MYRF: variants seen among roughly 807,000 people sequenced by gnomAD.
The protein encoded by MYRF is myelin gene regulatory factor.
In MYRF, 16 loss-of-function variants were observed where a neutral mutation model predicts 126.3. The ratio of observed to expected loss-of-function variants is 0.13; its 90% CI spans 0.09 to 0.19. The LOEUF is 0.19. Among genes scored for constraint, MYRF ranks in the 10% least tolerant of loss-of-function variants. The pLI is 1.00. For missense variants in MYRF, 1,104 were observed against 1,547.0 expected (o/e 0.71, Z 4.80); for synonymous variants, 608 against 635.3 (o/e 0.96, Z 0.65).
intron 5 of MYRF, 59 bp downstream of exon 5, chr11:61,770,584 G>T: frequency 6.8e-7 from 1 of 1,480,650 alleles, no homozygotes; most frequent in Non-Finnish European, 9.1e-7. Flanking sequence ...GACCAGGGTG[G>T]GCAGGGCGGC....
chr11:61,780,104 A>G (rs2066499151), intron 17 of MYRF, 118 bp from the exon 18 acceptor site: 2 of 1,335,594 alleles, frequency 1.5e-6, no homozygotes, highest in Non-Finnish European at 2.1e-6. Flanking sequence ...GGGGTGACCC[A>G]TTTTGTAGGC....
In MYRF at chr11:61,752,677, G is replaced by A; in HGVS notation, c.-68G>A. On this transcript the variant is annotated 5_prime_UTR_variant, in exon 1 of 27. Coordinates refer to ENST00000278836, the MANE Select transcript of MYRF (RefSeq NM_001127392.3). Reference sequence around the variant, plus strand: ...CGGGACTGTCGCGCGGGCCGCGCCGGCGATGCCGCGCCCCCGGGCCGGGCT... The same window carrying A: ...CGGGACTGTCGCGCGGGCCGCGCCGACGATGCCGCGCCCCCGGGCCGGGCT... The A allele has an allele frequency of 8.4e-7, 1 of 1,196,712 alleles. No individual in the cohort carries two copies. The highest frequency in any genetic ancestry group is 1.0e-6 in the Non-Finnish European group (1 of 953,870). The allele number at this position is 1,196,712 out of a possible 1,614,324, so 74.1% of individuals were successfully genotyped here. A position where few individuals can be genotyped will look rare whatever the true frequency, so the allele number is the denominator to read the frequency against.
In MYRF at chr11:61,783,717, G is replaced by A; in HGVS notation, c.3119+117G>A. 7.4e-7 allele frequency: 1 copy of A among 1,350,294 alleles called. No individual in the cohort carries two copies. Among genetic ancestry groups the A allele is most frequent in the Non-Finnish European group, 1.0e-6 (1 of 961,060 alleles). The allele number at this position is 1,350,294 out of a possible 1,614,324, so 83.6% of individuals were successfully genotyped here. A position where few individuals can be genotyped will look rare whatever the true frequency, so the allele number is the denominator to read the frequency against. On this transcript the variant is annotated intron_variant, in intron 23 of 26. Transcript: ENST00000278836. This position sits in a 1 kb window ranked among gnomAD's most constrained non-coding sequence, Gnocchi z 4.6. The stretch of plus-strand genomic sequence containing the variant: ...GGAGCCTCCCCCATAAGGAAGGGTA[G>A]CCCCTTTCCAGGCTACCCTTGGACA...
chr11:61,780,240 A>G lies in MYRF; in HGVS notation c.2355A>G (p.Thr785=). ...VMAFSVVSMS[T]LYVLSLRTEE... ...GCTCCAGCGTGGTGTCCATGTCCAC[A>G]CTGTACGTGCTGAGCCTGCGCACAG... The change falls in exon 18 of 27, where the codon ACA becomes ACG. Residue 785 remains threonine (T), a synonymous_variant. Coordinates refer to ENST00000278836, the MANE Select transcript of MYRF (RefSeq NM_001127392.3). The G allele has an allele frequency of 6.2e-7, 1 of 1,613,976 alleles. No individual in the cohort carries two copies. Among genetic ancestry groups the G allele is most frequent in the Non-Finnish European group, 8.5e-7 (1 of 1,179,958 alleles).
intron 4 of MYRF, 95 bp downstream of exon 4, chr11:61,769,416 C>G: frequency 1.1e-6 from 1 of 926,172 alleles, no homozygotes. Flanking sequence ...AGGGGGCCAG[C>G]GGCTGCCCAA....
intron 1 of MYRF, among the ~76,000 whole-genome samples, chr11:61,764,310 C>T (rs1049196692): frequency 6.6e-6 from 1 of 152,332 alleles, no homozygotes; most frequent in Admixed American, 6.5e-5. Context: ...GAAGTGAGGA[C>T]GGCTGTTCCG....
Position 61,776,196 on chromosome 11 carries a change from A to G in MYRF, c.1388+64A>G. The G allele has an allele frequency of 1.3e-6, 2 of 1,599,078 alleles. No individual in the cohort carries two copies. Among genetic ancestry groups the G allele is most frequent in the Non-Finnish European group, 8.6e-7 (1 of 1,166,808 alleles). On this transcript the variant is annotated intron_variant, in intron 9 of 26. Coordinates refer to ENST00000278836, the MANE Select transcript of MYRF (RefSeq NM_001127392.3). The surrounding 1 kb of genome is among the most constrained non-coding windows in gnomAD (Gnocchi z 4.3). ...GTCCACAACTAAAGCTGGCTTGGGA[A>G]TGGAGGGGCCAGGGAGGTACCCAGG...
At chr11:61,780,327 G>A (rs1190454898) in intron 18 of MYRF, 37 bp downstream of exon 18, 1 of 1,587,884 alleles carries the variant, frequency 6.3e-7, no homozygotes, top group South Asian at 1.1e-5. Context: ...TGCCAGGCCA[G>A]GTGGGGCTTT....
At chr11:61,753,397 G>A (rs2065660192) in intron 1 of MYRF, among the ~76,000 whole-genome samples, 1 of 151,952 alleles carries the variant, frequency 6.6e-6, no homozygotes, top group African/African-American at 2.4e-5. Context: ...CTTGGAGACT[G>A]CCACCTGCTT....
At position 61,779,536 on chromosome 11, in the gene MYRF, CCCA is replaced by C. The variant is rs748581171; in HGVS notation, c.2215_2217del (p.His739del). 1.2e-4 allele frequency: 184 copies of C among 1,508,866 alleles called. No individual in the cohort carries two copies. Among genetic ancestry groups the C allele is most frequent in the Non-Finnish European group, 1.6e-4 (179 of 1,128,360 alleles). 93.5% of individuals were successfully genotyped at this position (1,508,866 alleles called of 1,614,324 possible). A position where few individuals can be genotyped will look rare whatever the true frequency, so the allele number is the denominator to read the frequency against. Reference sequence around the variant, plus strand: ...CAGTTCAGTCGGGCGGGCAGCGTCCCCCACAAGAAGAGGCCCCCCAAGGTGGCC... The same window carrying C: ...CAGTTCAGTCGGGCGGGCAGCGTCCCCAAGAAGAGGCCCCCCAAGGTGGCC... On this transcript the variant is annotated inframe_deletion, in exon 16 of 27. Coordinates refer to ENST00000278836, the MANE Select transcript of MYRF (RefSeq NM_001127392.3).
chr11:61,763,982 G>A (rs961102025), intron 1 of MYRF, among the ~76,000 whole-genome samples: 1 of 152,254 alleles, frequency 6.6e-6, no homozygotes, highest in Non-Finnish European at 1.5e-5. Context: ...GCAGGGTGGG[G>A]CTTGAGCAGA....
chr11:61,752,865 C>A (rs1273923252), intron 1 of MYRF, 75 bp downstream of exon 1: 3 of 1,342,726 alleles, frequency 2.2e-6, no homozygotes, highest in Non-Finnish European at 3.0e-6. Context: ...GGAACTGGGG[C>A]TCCTCGCTGT....
At chr11:61,765,543 C>A in intron 1 of MYRF, 82 bp from the exon 2 acceptor site, 1 of 1,150,880 alleles carries the variant, frequency 8.7e-7, no homozygotes, top group Non-Finnish European at 1.2e-6. Flanking sequence ...CCAGCCTGGG[C>A]AGGGATGGAG....
Position 61,762,520 on chromosome 11 carries a change from A to T in MYRF, c.47-3105A>T, listed in dbSNP as rs564771072. ...AGGTACCCCTGCTTGGGCTCCAGTG[A>T]TGTTCTGGGGCTCTTTTGGGAGCAG... is the stretch of plus-strand genomic sequence containing the variant. On this transcript the variant is annotated intron_variant, in intron 1 of 26. Coordinates refer to ENST00000278836, the MANE Select transcript of MYRF (RefSeq NM_001127392.3). 3.9e-5 allele frequency among the ~76,000 whole-genome samples: 6 copies of T among 151,972 alleles called. No homozygotes were observed. The South Asian group carries it at 1.3e-3, about 32-fold the overall frequency.
Position 61,777,718 on chromosome 11 carries a change from G to A in MYRF, c.1792-16G>A. 1.3e-6 allele frequency: 2 copies of A among 1,548,466 alleles called. No individual in the cohort carries two copies. The highest frequency in any genetic ancestry group is 1.2e-5 in the South Asian group (1 of 83,960). On this transcript the variant is annotated splice_polypyrimidine_tract_variant and intron_variant, in intron 12 of 26. Transcript: ENST00000278836. This position sits in a 1 kb window ranked among gnomAD's most constrained non-coding sequence, Gnocchi z 8.8. Reference sequence around the variant, plus strand: ...GGCCGCAGGAGGGGTTCATTCCCGGGCCTGGCTCCCCGCAGGTGGACACCA... The same window carrying A: ...GGCCGCAGGAGGGGTTCATTCCCGGACCTGGCTCCCCGCAGGTGGACACCA...
chr11:61,776,237 A>G lies in MYRF; in HGVS notation c.1389-85A>G. On this transcript the variant is annotated intron_variant, in intron 9 of 26. Coordinates refer to ENST00000278836, the MANE Select transcript of MYRF (RefSeq NM_001127392.3). This position sits in a 1 kb window ranked among gnomAD's most constrained non-coding sequence, Gnocchi z 4.3. ...GGTACCCAGGGTGTCCGCCTCATGTACGTTGCTGGCCTGGGTGCCCCTCAG... is the reference window on the plus strand; with the variant it reads ...GGTACCCAGGGTGTCCGCCTCATGTGCGTTGCTGGCCTGGGTGCCCCTCAG... The G allele has an allele frequency of 1.9e-6, 3 of 1,565,458 alleles. No homozygotes were observed. The highest frequency in any genetic ancestry group is 2.6e-6 in the Non-Finnish European group (3 of 1,140,858).
intron 1 of MYRF, among the ~76,000 whole-genome samples, chr11:61,764,324 G>A (rs1327149128): frequency 1.3e-5 from 2 of 152,184 alleles, no homozygotes; most frequent in African/African-American, 2.4e-5. Context: ...TGTTCCGACC[G>A]ATGAGCACCC....
chr11:61,758,860 G>A (rs900890635), intron 1 of MYRF, among the ~76,000 whole-genome samples: 23 of 152,260 alleles, frequency 1.5e-4, no homozygotes, highest in Non-Finnish European at 3.4e-4. Flanking sequence ...CACATAACAG[G>A]TGCTCAGTAA....
At chr11:61,764,469 G>A (rs927259789) in intron 1 of MYRF, among the ~76,000 whole-genome samples, 2 of 152,212 alleles carry the variant, frequency 1.3e-5, no homozygotes, top group Non-Finnish European at 2.9e-5. Flanking sequence ...CCTGCCCAAG[G>A]TCACTCAGCA....
Sources: allele counts gnomAD v4.1 joint callset (sites outside exome capture counted in the v4.1 genomes callset), GRCh38; gene constraint gnomAD v4.1.1; non-coding constraint Gnocchi (gnomAD v3.1); transcripts MANE v1.5; gene names NCBI Gene and HGNC (gene_info 2026-07-23, HGNC 2026-07-21).